SAMMSON: variants seen among roughly 807,000 people sequenced by gnomAD.
SAMMSON encodes the protein long intergenic non-protein coding RNA 1212.
chr3:70,367,119 T>C (rs566218948), intron 9 of SAMMSON, among the ~76,000 whole-genome samples: 5 of 151,746 alleles, frequency 3.3e-5, no homozygotes, highest in South Asian at 2.1e-4. Flanking sequence ...ATCCGGGTAA[T>C]TGAGATATCT....
intron 7 of SAMMSON, among the ~76,000 whole-genome samples, chr3:70,299,478 G>A (rs1260365510): frequency 1.3e-5 from 2 of 151,980 alleles, no homozygotes; most frequent in Non-Finnish European, 2.9e-5. Flanking sequence ...TACCCCTAGA[G>A]ACATATTAAA....
chr3:70,069,229 C>T (rs1011307983), intron 3 of SAMMSON: 10 of 152,152 alleles, frequency 6.6e-5, no homozygotes, highest in Non-Finnish European at 5.9e-5. Context: ...CATTTTCATT[C>T]CTATGATCCT....
intron 4 of SAMMSON, among the ~76,000 whole-genome samples, chr3:70,093,579 G>A (rs528371062): frequency 5.9e-5 from 9 of 152,280 alleles, no homozygotes; most frequent in Admixed American, 2.0e-4. Context: ...GGTGCACACA[G>A]GTCTCCTCTT....
intron 7 of SAMMSON, among the ~76,000 whole-genome samples, chr3:70,304,160 C>A (rs1702377990): frequency 6.6e-6 from 1 of 152,166 alleles, no homozygotes; most frequent in African/African-American, 2.4e-5. Context: ...GAATCCCAGC[C>A]TTCTCTTGGG....
chr3:70,381,943 C>G (rs1268332806), intron 9 of SAMMSON, among the ~76,000 whole-genome samples: 1 of 152,018 alleles, frequency 6.6e-6, no homozygotes, highest in Non-Finnish European at 1.5e-5. Flanking sequence ...TGATCATGGA[C>G]CATATTAAAT....
rs1479096279 is a variant in SAMMSON at position 70,173,309 on chromosome 3, T to C, written n.508-75798T>C. On this transcript the variant is annotated intron_variant and non_coding_transcript_variant, in intron 4 of 9. Transcript: ENST00000642114. ...TGTTTGTCACAGGACCCGTGGGATG[T>C]GCTGCATTAATCAATTGAGTTTAAT... Among the ~76,000 whole-genome samples, 8 of 152,094 alleles carry C rather than the reference T, an allele frequency of 5.3e-5. No individual in the cohort carries two copies. In the South Asian group the frequency reaches 6.2e-4, roughly 12 times the overall value.
intron 4 of SAMMSON, among the ~76,000 whole-genome samples, chr3:70,200,515 A>C (rs147428010): frequency 1.3e-5 from 2 of 152,098 alleles, no homozygotes; most frequent in Non-Finnish European, 2.9e-5. Context: ...CTGCCCCTCA[A>C]CTTCACCCAA....
At chr3:70,341,287 C>G (rs570395288) in intron 7 of SAMMSON, among the ~76,000 whole-genome samples, 1 of 152,030 alleles carries the variant, frequency 6.6e-6, no homozygotes, top group African/African-American at 2.4e-5. Context: ...ATGCAGTGAC[C>G]AATTCTGTCC....
chr3:70,126,433 A>T (rs2067459224), intron 4 of SAMMSON: 3 of 711,776 alleles, frequency 4.2e-6, no homozygotes, highest in Non-Finnish European at 7.6e-6. Context: ...GCTGCCCCTT[A>T]TCTGACAGGT....
At chr3:70,381,404 G>A (rs1703067110) in intron 9 of SAMMSON, among the ~76,000 whole-genome samples, 1 of 152,166 alleles carries the variant, frequency 6.6e-6, no homozygotes, top group South Asian at 2.1e-4. Flanking sequence ...AAACGATGGG[G>A]TGAAAGACAA....
At chr3:70,151,160 G>A (rs551482639) in intron 4 of SAMMSON, among the ~76,000 whole-genome samples, 2 of 151,970 alleles carry the variant, frequency 1.3e-5, no homozygotes, top group African/African-American at 4.8e-5. Flanking sequence ...GAAAACTGAG[G>A]TAATGAAAAA....
intron 7 of SAMMSON, among the ~76,000 whole-genome samples, chr3:70,341,507 C>G (rs917640934): frequency 6.6e-6 from 1 of 152,080 alleles, no homozygotes; most frequent in South Asian, 2.1e-4. Context: ...AATCTTCTTC[C>G]CCTTGACCAC....
intron 9 of SAMMSON, among the ~76,000 whole-genome samples, chr3:70,367,004 T>C (rs1702927318): frequency 6.6e-6 from 1 of 151,712 alleles, no homozygotes; most frequent in African/African-American, 2.4e-5. Flanking sequence ...GTACTTTTGC[T>C]CATTTATCCT....
At chr3:70,401,001 A>G (rs1341613892) in intron 2 of SAMMSON, among the ~76,000 whole-genome samples, 1 of 152,186 alleles carries the variant, frequency 6.6e-6, no homozygotes, top group Non-Finnish European at 1.5e-5. Context: ...GAATCTCAAA[A>G]GGAATTTATA....
chr3:70,021,961 G>A (rs1201874761), intron 3 of SAMMSON, among the ~76,000 whole-genome samples: 3 of 151,994 alleles, frequency 2.0e-5, no homozygotes, highest in South Asian at 4.1e-4. Flanking sequence ...CTTATCAAGG[G>A]GAAGAAAGAC....
chr3:70,387,574 A>G (rs1703132332), intron 9 of SAMMSON, among the ~76,000 whole-genome samples: 1 of 152,026 alleles, frequency 6.6e-6, no homozygotes, highest in Non-Finnish European at 1.5e-5. Context: ...TATTTTTGGA[A>G]TCGTTTTCAT....
intron 4 of SAMMSON, chr3:70,126,007 G>A (rs996531898): frequency 5.0e-5 from 41 of 828,266 alleles, no homozygotes; most frequent in Middle Eastern, 4.4e-4. Context: ...GGGAGGCTGC[G>A]CAGTAATTGA....
chr3:70,107,263 G>A (rs73838052), intron 4 of SAMMSON, among the ~76,000 whole-genome samples: 1,893 of 152,288 alleles, frequency 0.012, 40 homozygotes, highest in African/African-American at 0.043. Flanking sequence ...ATTTGAATTA[G>A]GCCTTGAATT....
intron 4 of SAMMSON, among the ~76,000 whole-genome samples, chr3:70,223,390 G>C (rs913751851): frequency 4.6e-5 from 7 of 152,236 alleles, no homozygotes; most frequent in Admixed American, 2.6e-4. Flanking sequence ...TGAGTGCAGA[G>C]CACTGATATA....
Sources: gnomAD v4.1 joint callset for allele counts (sites outside exome capture counted in the v4.1 genomes callset) on GRCh38, gnomAD v4.1.1 for gene constraint, MANE v1.5 for transcripts, NCBI Gene and HGNC (gene_info 2026-07-23, HGNC 2026-07-21) for gene names.